The following PSG11 variants were observed in gnomAD, a reference collection of about 807,000 sequenced individuals.
PSG11 encodes the protein pregnancy specific beta-1-glycoprotein 11, also known as pregnancy-specific beta-1-glycoprotein 11.
In PSG11, 42 loss-of-function variants were observed where a neutral mutation model predicts 36.0. That is an observed-to-expected ratio of 1.17 (90% CI 0.91 to 1.51). The LOEUF (loss-of-function observed/expected upper bound fraction) is 1.51. Ranked by LOEUF, PSG11 falls within the 40% of genes most tolerant of loss-of-function variation. PSG11 has a pLI of 0.00. For missense variants in PSG11, 558 were observed against 403.5 expected (o/e 1.38, Z -3.28); for synonymous variants, 206 against 153.5 (o/e 1.34, Z -2.53).
intron 4 of PSG11, chr19:43,014,447 A>C: frequency 1.0e-6 from 1 of 963,126 alleles, no homozygotes; most frequent in Non-Finnish European, 1.2e-6. Flanking sequence ...GCCAGGACGC[A>C]GCTCAGGAGT....
chr19:43,011,102 T>G (rs942071562), intron 4 of PSG11, among the ~76,000 whole-genome samples: 6 of 150,918 alleles, frequency 4.0e-5, no homozygotes, highest in Non-Finnish European at 7.4e-5. Context: ...TAGTGACAGG[T>G]GGATCTGAGA....
At chr19:43,015,548 C>A (rs1418382887) in intron 3 of PSG11, among the ~76,000 whole-genome samples, 178 bp from the exon 4 acceptor site, 1 of 151,356 alleles carries the variant, frequency 6.6e-6, no homozygotes, top group Non-Finnish European at 1.5e-5. Context: ...CCACCACAAG[C>A]TGTGGGCCCC....
rs748974571 is a variant in PSG11, at chr19:43,024,745, T to G, written c.376A>C (p.Lys126Gln). 13 of 1,611,534 alleles carry G rather than the reference T, an allele frequency of 8.1e-6. 1 individual carries two copies. Among genetic ancestry groups the G allele is most frequent in the South Asian group, 7.7e-5 (7 of 90,772 alleles). Residue 126 changes from lysine to glutamine, a missense_variant, in exon 2 of 6, where the codon AAG becomes CAG. By Grantham distance (53) the Lys-to-Gln change is moderately conservative. Coordinates refer to ENST00000320078, the MANE Select transcript of PSG11 (RefSeq NM_002785.3). ...ACTCCTCTAGTCCCATCACCTCGCT[T>G]TATGATGTGTAAGGTGTAGGATCCT... ...DAGSYTLHIIKRGDGTRGVTG... is the reference protein window; with the variant it reads ...DAGSYTLHIIQRGDGTRGVTG...
chr19:43,010,380 G>C lies in PSG11; in HGVS notation c.965-339C>G. Reference sequence around the variant, plus strand: ...GTTGCATCTTTTTCTCAGTGTCTCTGTTGTGGCAGTCATGAATGAGACTCT... The same window carrying C: ...GTTGCATCTTTTTCTCAGTGTCTCTCTTGTGGCAGTCATGAATGAGACTCT... On this transcript the variant is annotated intron_variant, in intron 4 of 5. Transcript: ENST00000320078. 3 of 1,555,456 alleles carry C rather than the reference G, an allele frequency of 1.9e-6. No homozygotes were observed. The African/African-American group carries it at 4.2e-5, about 22-fold the overall frequency.
chr19:43,024,624 T>C, intron 2 of PSG11, 67 bp downstream of exon 2: 2 of 1,607,128 alleles, frequency 1.2e-6, no homozygotes, highest in South Asian at 2.2e-5. Flanking sequence ...GGCCTGACAA[T>C]CCTGTGTGTG....
Position 43,015,141 on chromosome 19 carries a change from G to C in PSG11, c.939C>G (p.Ser313=). The change falls in exon 4 of 6, where the codon TCC becomes TCG. Residue 313 remains serine, a synonymous_variant. Transcript: ENST00000320078. ...CAATGACTCTGATTGTCAAGGATGT[G>C]GAGCTTTCCTCGCCAGTGGCTGAGT... ...ARNSATGEES[S]TSLTIRVIAP... 6.2e-7 allele frequency: 1 copy of C among 1,611,996 alleles called. No individual in the cohort carries two copies. The highest frequency in any genetic ancestry group is 8.5e-7 in the Non-Finnish European group (1 of 1,178,970).
Position 43,015,013 on chromosome 19 carries a change from A to T in PSG11, c.964+103T>A, listed in dbSNP as rs201605238. 2.5e-6 allele frequency: 4 copies of T among 1,600,066 alleles called. No homozygotes were observed. The East Asian group carries it at 6.7e-5, about 27-fold the overall frequency. The stretch of plus-strand genomic sequence containing the variant: ...GAGAATTTGGGATTTGCCTGTGCCC[A>T]TGGGACACAGGCTGGGAATAAAAAT... On this transcript the variant is annotated intron_variant, in intron 4 of 5. Coordinates refer to ENST00000320078, the MANE Select transcript of PSG11 (RefSeq NM_002785.3).
At chr19:43,019,203 T>A (rs117389464) in intron 2 of PSG11, among the ~76,000 whole-genome samples, 155 bp from the exon 3 acceptor site, 5 of 151,458 alleles carry the variant, frequency 3.3e-5, no homozygotes. Flanking sequence ...ATGCATGGCA[T>A]TCTGAAGGCT....
At chr19:43,008,930 C>T (rs187675824) in intron 5 of PSG11, among the ~76,000 whole-genome samples, 7 of 151,194 alleles carry the variant, frequency 4.6e-5, no homozygotes, top group South Asian at 4.2e-4. Flanking sequence ...TGCCTGGGTC[C>T]GTCTCCAGAC....
At position 43,023,198 on chromosome 19, in the gene PSG11, G is replaced by T. The variant is rs1414627785; in HGVS notation, c.430+1493C>A. Among the ~76,000 whole-genome samples the T allele has an allele frequency of 4.0e-5, 6 of 148,626 alleles. 1 individual carries two copies. The highest frequency in any genetic ancestry group is 1.5e-5 in the Non-Finnish European group (1 of 67,674). ...AGAGGTAGTGGGGGGATGAAACATG[G>T]GTGTCAGCCTCTGAAGGACAAGGGA... On this transcript the variant is annotated intron_variant, in intron 2 of 5. Transcript: ENST00000320078.
chr19:43,011,326 T>C (rs1156434542), intron 4 of PSG11, among the ~76,000 whole-genome samples: 2 of 151,098 alleles, frequency 1.3e-5, no homozygotes, highest in East Asian at 1.9e-4. Flanking sequence ...AACTGTAAAC[T>C]CTTACATTAA....
At chr19:43,014,817 T>G in intron 4 of PSG11, 2 of 1,261,402 alleles carry the variant, frequency 1.6e-6, no homozygotes, top group Non-Finnish European at 2.1e-6. Context: ...AGCAACTCGA[T>G]GTTCAGCACT....
At position 43,012,119 on chromosome 19, in the gene PSG11, G is replaced by T. The variant is rs145144155; in HGVS notation, c.965-2078C>A. Among the ~76,000 whole-genome samples, 473 of 151,050 alleles carry T rather than the reference G, an allele frequency of 3.1e-3. 10 individuals are homozygous for T. The highest frequency in any genetic ancestry group is 5.4e-3 in the Non-Finnish European group (369 of 67,820). On this transcript the variant is annotated intron_variant, in intron 4 of 5. Coordinates refer to ENST00000320078, the MANE Select transcript of PSG11 (RefSeq NM_002785.3). Reference sequence around the variant, plus strand: ...GATGAAATTCAATATTTTTTCATAAGAAAAACATTCTAAGAATGGAAGGAA... The same window carrying T: ...GATGAAATTCAATATTTTTTCATAATAAAAACATTCTAAGAATGGAAGGAA...
intron 2 of PSG11, among the ~76,000 whole-genome samples, chr19:43,021,621 T>G (rs558770158): frequency 6.6e-6 from 1 of 151,608 alleles, no homozygotes; most frequent in Admixed American, 6.6e-5. Context: ...GCTGCGATTA[T>G]AGGCATCAGC....
chr19:43,012,121 A>G (rs1206480484), intron 4 of PSG11, among the ~76,000 whole-genome samples: 2 of 151,300 alleles, frequency 1.3e-5, no homozygotes, highest in African/African-American at 4.9e-5. Flanking sequence ...TTTCATAAGA[A>G]AAACATTCTA....
intron 1 of PSG11, among the ~76,000 whole-genome samples, chr19:43,025,754 T>C (rs1258476426): frequency 6.7e-6 from 1 of 149,830 alleles, no homozygotes; most frequent in Non-Finnish European, 1.5e-5. Context: ...TAGTTATTAT[T>C]ATCATTTTTC....
At chr19:43,014,062 G>C (rs183886222) in intron 4 of PSG11, 2 of 151,382 alleles carry the variant, frequency 1.3e-5, no homozygotes, top group African/African-American at 4.9e-5. Flanking sequence ...AGATAGAGTA[G>C]CCAGTTACAT....
At position 43,011,099 on chromosome 19, in the gene PSG11, A is replaced by T. The variant is rs534507328; in HGVS notation, c.965-1058T>A. ...TTCCTGGTGTCATATGGCTAGTGAC[A>T]GGTGGATCTGAGATTTGATTCTAGG... is the stretch of plus-strand genomic sequence containing the variant. On this transcript the variant is annotated intron_variant, in intron 4 of 5. Transcript: ENST00000320078. Among the ~76,000 whole-genome samples the T allele has an allele frequency of 2.4e-4, 37 of 151,150 alleles. 1 individual carries two copies. The highest frequency in any genetic ancestry group is 6.3e-4 in the South Asian group (3 of 4,744).
intron 3 of PSG11, chr19:43,017,664 T>C (rs916044852): frequency 6.6e-6 from 1 of 151,428 alleles, no homozygotes; most frequent in Non-Finnish European, 1.5e-5. Flanking sequence ...GGGATTCTAG[T>C]AGGGGTTGCA....
Sources: gnomAD v4.1 joint callset for allele counts (sites outside exome capture counted in the v4.1 genomes callset) on GRCh38, gnomAD v4.1.1 for gene constraint, MANE v1.5 for transcripts, NCBI Gene and HGNC (gene_info 2026-07-23, HGNC 2026-07-21) for gene names.